Variants in AHCY observed in about 807,000 individuals in gnomAD.
AHCY encodes S-adenosyl-L-homocysteine hydrolase.
AHCY carries 24 observed loss-of-function variants against 45.4 expected under a neutral mutation model. The observed-to-expected ratio is 0.53, with a 90% CI of 0.38 to 0.74. The LOEUF (loss-of-function observed/expected upper bound fraction) is 0.74. AHCY is among the 30% of genes least tolerant of loss of function. The pLI is 0.00. For missense variants in AHCY, 449 were observed against 594.1 expected (o/e 0.76, Z 2.54); for synonymous variants, 245 against 235.1 (o/e 1.04, Z -0.39).
chr20:34,241,484 A>C, the AHCY span: 127 of 985,338 alleles, frequency 1.3e-4, 1 homozygote, highest in Non-Finnish European at 1.5e-4. Context: ...CTTTGCGGGA[A>C]AGCATGTGAG....
chr20:34,250,041 G>T, the AHCY span: 1 of 152,238 alleles, frequency 6.6e-6, no homozygotes, highest in Admixed American at 6.5e-5. Flanking sequence ...CTCCATGCTG[G>T]GGTCCAGCTG....
intron 3 of AHCY, chr20:34,293,606 C>A (rs1023606905): frequency 1.7e-5 from 5 of 302,928 alleles, no homozygotes; most frequent in Non-Finnish European, 3.2e-5. Flanking sequence ...TCTTGAATGT[C>A]CTAATCACTG....
intron 9 of AHCY, among the ~76,000 whole-genome samples, chr20:34,282,945 G>A (rs945647969): frequency 6.6e-6 from 1 of 152,192 alleles, no homozygotes; most frequent in Admixed American, 6.5e-5. Context: ...CACATCTACT[G>A]TTTCATTAGA....
At chr20:34,295,025 A>G (rs1256184336) in intron 2 of AHCY, among the ~76,000 whole-genome samples, 1 of 152,206 alleles carries the variant, frequency 6.6e-6, no homozygotes, top group Admixed American at 6.5e-5. Flanking sequence ...AACCAATCAG[A>G]GCTGCCATCA....
chr20:34,294,077 T>G lies in AHCY; in HGVS notation c.295+4A>C, dbSNP rs2036491769. 1 of 1,614,064 alleles carries G rather than the reference T, an allele frequency of 6.2e-7. No individual in the cohort carries two copies. Among genetic ancestry groups the G allele is most frequent in the South Asian group, 1.1e-5 (1 of 91,084 alleles). ...TCCACGTCTCAGAAGCAAGCAGGACTTACCCGGAATGCCAGCCTTGGCAAT... is the reference window on the plus strand; with the variant it reads ...TCCACGTCTCAGAAGCAAGCAGGACGTACCCGGAATGCCAGCCTTGGCAAT... On this transcript the variant is annotated splice_donor_region_variant and intron_variant, in intron 3 of 9. Coordinates refer to ENST00000217426, the MANE Select transcript of AHCY (RefSeq NM_000687.4).
chr20:34,269,960 A>T, the AHCY span, among the ~76,000 whole-genome samples: 1 of 83,990 alleles, frequency 1.2e-5, no homozygotes, highest in Admixed American at 2.1e-4. Context: ...AAAAAAAAAA[A>T]AAAAAAAAAA....
At chr20:34,268,964 C>A in the AHCY span, 1 of 1,581,298 alleles carries the variant, frequency 6.3e-7, no homozygotes, top group South Asian at 1.2e-5. Context: ...GTGGCCGGCT[C>A]ATAAAGCCCC....
downstream of AHCY, among the ~76,000 whole-genome samples, chr20:34,277,515 C>A (rs182847547): frequency 4.9e-3 from 744 of 152,186 alleles, 5 homozygotes; most frequent in African/African-American, 0.017. Context: ...TGCCTGTAAT[C>A]CCAGCACTTT....
intron 4 of AHCY, among the ~76,000 whole-genome samples, chr20:34,291,788 C>T (rs919421977): frequency 2.6e-5 from 4 of 152,212 alleles, no homozygotes; most frequent in Admixed American, 1.3e-4. Context: ...TGCTCTAGTC[C>T]GTGACCCTGT....
At chr20:34,242,931 C>A in the AHCY span, among the ~76,000 whole-genome samples, 1 of 152,222 alleles carries the variant, frequency 6.6e-6, no homozygotes, top group Non-Finnish European at 1.5e-5. Flanking sequence ...GAAGTGATTT[C>A]TGGAGAGCAT....
At chr20:34,307,266 T>G (rs2036905314), upstream of AHCY, among the ~76,000 whole-genome samples, 1 of 151,946 alleles carries the variant, frequency 6.6e-6, no homozygotes, top group Non-Finnish European at 1.5e-5. Context: ...ATATTTATAT[T>G]TTTAGTAGAG....
At chr20:34,285,307 G>T in intron 9 of AHCY, 133 bp downstream of exon 9, 2 of 940,864 alleles carry the variant, frequency 2.1e-6, no homozygotes, top group Non-Finnish European at 3.3e-6. Context: ...AATGACTTCT[G>T]CACTGTAGAG....
chr20:34,288,827 T>C (rs1474175746), intron 8 of AHCY, among the ~76,000 whole-genome samples: 1 of 152,092 alleles, frequency 6.6e-6, no homozygotes, highest in African/African-American at 2.4e-5. Flanking sequence ...ACTTTTATAA[T>C]CAGAGAAAAA....
chr20:34,263,032 A>T, the AHCY span: 6 of 1,008,818 alleles, frequency 5.9e-6, no homozygotes, highest in Non-Finnish European at 8.6e-6. Context: ...AAAGCTACTA[A>T]AGACTTCCTG....
the AHCY span, among the ~76,000 whole-genome samples, chr20:34,254,238 T>C: frequency 2.0e-5 from 3 of 152,172 alleles, no homozygotes; most frequent in African/African-American, 7.2e-5. Context: ...AATTTTTGTA[T>C]TTTTAGTAGA....
At chr20:34,297,548 A>G in intron 1 of AHCY, among the ~76,000 whole-genome samples, 1 of 152,194 alleles carries the variant, frequency 6.6e-6, no homozygotes, top group African/African-American at 2.4e-5. Flanking sequence ...CACCTGCTTC[A>G]GCCTCCCAAA....
In AHCY at chr20:34,290,849, C is replaced by A; in HGVS notation, c.648G>T (p.Ala216=). The A allele has an allele frequency of 6.2e-7, 1 of 1,614,174 alleles. No individual in the cohort carries two copies. The highest frequency in any genetic ancestry group is 1.1e-5 in the South Asian group (1 of 91,080). ...CCACATCACCATAGCCTGCTACCAC[C>A]GCTACCTTGCCGGCAATCATCACAT... is the stretch of plus-strand genomic sequence containing the variant. ...ATDVMIAGKV[A]VVAGYGDVGK... is the part of the protein sequence containing the mutation. Residue 216 remains alanine (A), a synonymous_variant, in exon 6 of 10, where the codon GCG becomes GCT. Transcript: ENST00000217426. The surrounding 1 kb of genome is among the most constrained non-coding windows in gnomAD (Gnocchi z 4.5).
the AHCY span, among the ~76,000 whole-genome samples, chr20:34,262,547 G>A: frequency 4.7e-4 from 72 of 152,322 alleles, 1 homozygote; most frequent in Middle Eastern, 6.8e-3. Flanking sequence ...CACTTAGGTC[G>A]AGGGACCAGG....
chr20:34,261,599 A>C, the AHCY span, among the ~76,000 whole-genome samples: 3 of 152,022 alleles, frequency 2.0e-5, no homozygotes, highest in Non-Finnish European at 4.4e-5. Context: ...GTGCCACTGC[A>C]CTCCAGCCTG....
Sources: allele counts gnomAD v4.1 joint callset (sites outside exome capture counted in the v4.1 genomes callset), GRCh38; gene constraint gnomAD v4.1.1; non-coding constraint Gnocchi (gnomAD v3.1); transcripts MANE v1.5; gene names NCBI Gene and HGNC (gene_info 2026-07-23, HGNC 2026-07-21).